The following LUZP2 variants were observed in gnomAD, a reference collection of about 807,000 sequenced individuals.
The protein encoded by LUZP2 is leucine zipper protein 2.
LUZP2 carries 52 observed loss-of-function variants against 51.6 expected under a neutral mutation model. The ratio of observed to expected loss-of-function variants is 1.01; its 90% CI spans 0.81 to 1.27. The LOEUF (loss-of-function observed/expected upper bound fraction) is 1.27. LUZP2 is among the 50% of genes most tolerant of loss of function. LUZP2 has a pLI of 0.00. For missense variants in LUZP2, 436 were observed against 395.4 expected (o/e 1.10, Z -0.87); for synonymous variants, 154 against 137.3 (o/e 1.12, Z -0.85).
intron 5 of LUZP2, among the ~76,000 whole-genome samples, chr11:24,874,442 T>G (rs1590670931): frequency 1.3e-5 from 2 of 152,092 alleles, no homozygotes; most frequent in Non-Finnish European, 2.9e-5. Flanking sequence ...CAGAGTCAGG[T>G]GATGAGCCCA....
Position 24,976,627 on chromosome 11 carries a change from G to A in LUZP2, c.559G>A (p.Val187Ile), listed in dbSNP as rs770328845. ...TACTGATCTGGAACAAAAATTAGCT[G>A]TAGCCAAAAATGAACTGGAGAAAGC... Reference protein sequence around the residue: ...QLTDLEQKLAVAKNELEKAAL... With the variant: ...QLTDLEQKLAIAKNELEKAAL... Residue 187 changes from valine to isoleucine, a missense_variant, in exon 8 of 12, where the codon GTA (valine) becomes ATA (isoleucine). Coordinates refer to ENST00000336930, the MANE Select transcript of LUZP2 (RefSeq NM_001009909.4). 4 of 1,583,900 alleles carry A rather than the reference G, an allele frequency of 2.5e-6. No individual in the cohort carries two copies. Among genetic ancestry groups the A allele is most frequent in the Non-Finnish European group, 3.4e-6 (4 of 1,167,934 alleles).
At chr11:24,545,225 G>T (rs780978294) in intron 1 of LUZP2, among the ~76,000 whole-genome samples, 1 of 149,166 alleles carries the variant, frequency 6.7e-6, no homozygotes, top group Non-Finnish European at 1.5e-5. Flanking sequence ...ACATTTTGTA[G>T]GTTGTCTGTT....
At chr11:24,525,386 A>G (rs1213456254) in intron 1 of LUZP2, among the ~76,000 whole-genome samples, 1 of 151,612 alleles carries the variant, frequency 6.6e-6, no homozygotes, top group African/African-American at 2.4e-5. Context: ...ATTTCATAAT[A>G]GTTTTGTTAT....
chr11:24,782,581 A>G (rs999289865), intron 5 of LUZP2, among the ~76,000 whole-genome samples: 2 of 151,832 alleles, frequency 1.3e-5, no homozygotes, highest in Non-Finnish European at 2.9e-5. Context: ...CTGCTATACA[A>G]CTGTCTTGCT....
intron 1 of LUZP2, among the ~76,000 whole-genome samples, chr11:24,582,340 C>T (rs1852893064): frequency 9.5e-6 from 1 of 105,428 alleles, no homozygotes; most frequent in Admixed American, 1.5e-4. Flanking sequence ...AGGGAGACAT[C>T]TGAGAGATTA....
chr11:24,620,284 C>G (rs968238554), intron 1 of LUZP2, among the ~76,000 whole-genome samples: 1 of 152,012 alleles, frequency 6.6e-6, no homozygotes, highest in Admixed American at 6.6e-5. Context: ...GAATTTTTAA[C>G]TCAACAAATG....
intron 7 of LUZP2, among the ~76,000 whole-genome samples, chr11:24,968,239 T>A (rs1229596164): frequency 6.6e-6 from 1 of 152,148 alleles, no homozygotes; most frequent in African/African-American, 2.4e-5. Context: ...AAACATTTGC[T>A]GTAAGTGAAC....
At chr11:24,674,155 A>G (rs1856477436) in intron 1 of LUZP2, among the ~76,000 whole-genome samples, 1 of 152,154 alleles carries the variant, frequency 6.6e-6, no homozygotes, top group Non-Finnish European at 1.5e-5. Flanking sequence ...CTTTATAATA[A>G]CTGTAGAGTG....
intron 3 of LUZP2, among the ~76,000 whole-genome samples, chr11:24,733,194 G>A (rs1858781084): frequency 6.6e-6 from 1 of 151,530 alleles, no homozygotes; most frequent in Admixed American, 6.6e-5. Context: ...TGTTTTACAT[G>A]GACTCTTATT....
chr11:24,824,175 C>T (rs1211328530), intron 5 of LUZP2, among the ~76,000 whole-genome samples: 2 of 150,924 alleles, frequency 1.3e-5, no homozygotes, highest in Non-Finnish European at 3.0e-5. Context: ...ACCAGCCTGA[C>T]CAACATGGAG....
At chr11:24,526,274 A>G (rs1274630552) in intron 1 of LUZP2, among the ~76,000 whole-genome samples, 1 of 151,142 alleles carries the variant, frequency 6.6e-6, no homozygotes, top group African/African-American at 2.4e-5. Flanking sequence ...GCAAAAAAAA[A>G]AAAAGCTCAA....
chr11:24,840,964 T>C (rs1851009760), intron 5 of LUZP2, among the ~76,000 whole-genome samples: 1 of 152,054 alleles, frequency 6.6e-6, no homozygotes, highest in Non-Finnish European at 1.5e-5. Flanking sequence ...TAAATAGAAG[T>C]ATATGGATTA....
chr11:25,004,960 G>T (rs928910365), intron 9 of LUZP2, among the ~76,000 whole-genome samples: 8 of 152,172 alleles, frequency 5.3e-5, no homozygotes, highest in African/African-American at 1.2e-4. Context: ...TCTCACAAGA[G>T]CATGACATCT....
At chr11:24,902,604 C>G (rs1402547393) in intron 5 of LUZP2, among the ~76,000 whole-genome samples, 1 of 152,124 alleles carries the variant, frequency 6.6e-6, no homozygotes, top group Non-Finnish European at 1.5e-5. Flanking sequence ...AGATCCTGAT[C>G]ATTGAAAAGC....
chr11:24,674,991 T>C (rs1856500428), intron 1 of LUZP2, among the ~76,000 whole-genome samples: 1 of 152,222 alleles, frequency 6.6e-6, no homozygotes, highest in Non-Finnish European at 1.5e-5. Flanking sequence ...GTGTAGCACA[T>C]ATATCGTGGC....
intron 7 of LUZP2, among the ~76,000 whole-genome samples, chr11:24,919,484 A>G (rs28670949): frequency 6.1e-5 from 8 of 132,070 alleles, no homozygotes; most frequent in South Asian, 4.6e-4. Flanking sequence ...TATTATATAT[A>G]ATATATATTC....
chr11:24,962,557 C>T (rs1250779205), intron 7 of LUZP2, among the ~76,000 whole-genome samples: 2 of 152,196 alleles, frequency 1.3e-5, no homozygotes, highest in Non-Finnish European at 2.9e-5. Flanking sequence ...TTGATGGCAT[C>T]GGCTCCTGAG....
intron 5 of LUZP2, among the ~76,000 whole-genome samples, chr11:24,826,190 A>AAAAT (rs1215786412): frequency 3.4e-3 from 233 of 67,544 alleles, no homozygotes; most frequent in African/African-American, 0.012. Flanking sequence ...AAAAAAAAAA[A>AAAAT]ATATATATAT....
intron 4 of LUZP2, among the ~76,000 whole-genome samples, chr11:24,753,929 G>T (rs916927461): frequency 6.6e-6 from 1 of 152,152 alleles, no homozygotes; most frequent in Non-Finnish European, 1.5e-5. Flanking sequence ...GGAAAATAGA[G>T]CAAACTGGTT....
Sources: allele counts gnomAD v4.1 joint callset (sites outside exome capture counted in the v4.1 genomes callset), GRCh38; gene constraint gnomAD v4.1.1; transcripts MANE v1.5; gene names NCBI Gene and HGNC (gene_info 2026-07-23, HGNC 2026-07-21).